INSC: variants seen among roughly 807,000 people sequenced by gnomAD.
The protein encoded by INSC is INSC spindle orientation adaptor protein.
INSC carries 67 observed loss-of-function variants against 58.6 expected under a neutral mutation model. The observed-to-expected ratio is 1.14, with a 90% CI of 0.94 to 1.40. INSC has a LOEUF of 1.40. Ranked by LOEUF, INSC falls within the 40% of genes most tolerant of loss-of-function variation. The probability of loss-of-function intolerance (pLI) is 0.00; values close to 1 mark genes in which losing one functional copy is unlikely to be tolerated. For missense variants in INSC, 714 were observed against 692.0 expected (o/e 1.03, Z -0.36); for synonymous variants, 262 against 276.1 (o/e 0.95, Z 0.51).
At chr11:15,229,934 A>C (rs1353791497) in intron 9 of INSC, among the ~76,000 whole-genome samples, 2 of 28,708 alleles carry the variant, frequency 7.0e-5, no homozygotes, top group Non-Finnish European at 1.3e-4. Flanking sequence ...TTTATATATT[A>C]TATATATATA....
At chr11:15,164,593 C>T (rs1001896772) in intron 2 of INSC, among the ~76,000 whole-genome samples, 20 of 152,190 alleles carry the variant, frequency 1.3e-4, no homozygotes, top group African/African-American at 4.8e-4. Flanking sequence ...CTTCTAGTTT[C>T]AGCCACTGTT....
the INSC span, among the ~76,000 whole-genome samples, chr11:15,259,271 C>CTTGTTT: frequency 6.6e-6 from 1 of 151,974 alleles, no homozygotes; most frequent in Non-Finnish European, 1.5e-5. Context: ...TTTGTTGCTG[C>CTTGTTT]TTAATAAAAA....
At chr11:15,215,631 A>G (rs1851186929) in intron 7 of INSC, among the ~76,000 whole-genome samples, 1 of 152,252 alleles carries the variant, frequency 6.6e-6, no homozygotes, top group Non-Finnish European at 1.5e-5. Context: ...ATACTTCATC[A>G]GTAAACTGCT....
chr11:15,144,411 C>T (rs926115665), intron 1 of INSC, among the ~76,000 whole-genome samples: 2 of 152,170 alleles, frequency 1.3e-5, no homozygotes, highest in African/African-American at 4.8e-5. Context: ...TGTAGAGATT[C>T]ATAATGATGG....
chr11:15,131,759 A>G (rs974229978), intron 1 of INSC, among the ~76,000 whole-genome samples: 4 of 152,146 alleles, frequency 2.6e-5, no homozygotes, highest in African/African-American at 7.2e-5. Context: ...ATACATTAGC[A>G]TCAGATTTCT....
At chr11:15,182,282 A>T (rs576984141) in intron 5 of INSC, among the ~76,000 whole-genome samples, 3 of 152,302 alleles carry the variant, frequency 2.0e-5, no homozygotes, top group African/African-American at 7.2e-5. Context: ...AGGCCTTAAC[A>T]GATACATGCT....
chr11:15,160,166 C>G (rs1423698501), intron 2 of INSC, among the ~76,000 whole-genome samples: 1 of 152,158 alleles, frequency 6.6e-6, no homozygotes, highest in East Asian at 1.9e-4. Flanking sequence ...AGAGGAGAGA[C>G]AGAGTGCTTA....
chr11:15,177,246 G>C, intron 4 of INSC, 83 bp downstream of exon 4: 1 of 1,013,950 alleles, frequency 9.9e-7, no homozygotes, highest in South Asian at 1.3e-5. Flanking sequence ...CCCAGAGGGA[G>C]AATGGGAATG....
chr11:15,235,554 AG>A lies in INSC; in HGVS notation c.1171-46del, dbSNP rs757882469. On this transcript the variant is annotated intron_variant, in intron 9 of 12. Coordinates refer to ENST00000379556, the MANE Select transcript of INSC (RefSeq NM_001042536.3). ...TGACCTGTCTGTAGGGAGGACTATTAGGATCAGGTGTGCTCATTTTCTGAGG... is the reference window on the plus strand; with the variant it reads ...TGACCTGTCTGTAGGGAGGACTATTAGATCAGGTGTGCTCATTTTCTGAGG... 3 of 1,443,394 alleles carry A rather than the reference AG, an allele frequency of 2.1e-6. No homozygotes were observed. In the African/African-American group the frequency reaches 4.2e-5, roughly 20 times the overall value. The allele number at this position is 1,443,394 out of a possible 1,614,324, so 89.4% of individuals were successfully genotyped here. A position where few individuals can be genotyped will look rare whatever the true frequency, so the allele number is the denominator to read the frequency against.
chr11:15,131,500 T>G (rs1436384145), intron 1 of INSC, among the ~76,000 whole-genome samples: 1 of 152,122 alleles, frequency 6.6e-6, no homozygotes, highest in Non-Finnish European at 1.5e-5. Flanking sequence ...AAATGTGCCA[T>G]TCAAATATCC....
In INSC at chr11:15,246,046, G is replaced by T. The variant is rs769822791; in HGVS notation, c.*6G>T. On this transcript the variant is annotated 3_prime_UTR_variant, in exon 13 of 13. Transcript: ENST00000379556. Reference sequence around the variant, plus strand: ...TGGAGGAGAGTTTTGTGTAGTGAGTGTGGGCGAAGAAATACATTTGGCTGT... The same window carrying T: ...TGGAGGAGAGTTTTGTGTAGTGAGTTTGGGCGAAGAAATACATTTGGCTGT... The T allele has an allele frequency of 1.2e-5, 19 of 1,614,106 alleles. No individual in the cohort carries two copies. The South Asian group carries it at 2.1e-4, about 18-fold the overall frequency.
At chr11:15,196,077 C>T (rs181091836) in intron 6 of INSC, among the ~76,000 whole-genome samples, 10 of 152,346 alleles carry the variant, frequency 6.6e-5, no homozygotes, top group Non-Finnish European at 1.5e-4. Context: ...GCCCCTAACA[C>T]TCCCCTGGGC....
chr11:15,135,832 A>G (rs535505067), intron 1 of INSC, among the ~76,000 whole-genome samples: 1 of 152,328 alleles, frequency 6.6e-6, no homozygotes, highest in Admixed American at 6.5e-5. Flanking sequence ...TTATTGGCTT[A>G]CAGTTCTGGA....
chr11:15,157,244 G>A (rs1422774409), intron 2 of INSC, among the ~76,000 whole-genome samples: 1 of 152,282 alleles, frequency 6.6e-6, no homozygotes, highest in East Asian at 1.9e-4. Flanking sequence ...TGGAGACTAA[G>A]GAAATCAAAC....
chr11:15,136,760 C>T (rs1433835451), intron 1 of INSC, among the ~76,000 whole-genome samples: 2 of 152,144 alleles, frequency 1.3e-5, no homozygotes, highest in Non-Finnish European at 2.9e-5. Context: ...GTTACTTCCA[C>T]CACTGAAGTT....
intron 2 of INSC, among the ~76,000 whole-genome samples, chr11:15,156,727 G>A (rs906787781): frequency 1.3e-5 from 2 of 152,216 alleles, no homozygotes; most frequent in African/African-American, 4.8e-5. Context: ...TCAAACCACA[G>A]TGAGGCCTGG....
chr11:15,153,565 G>T (rs1211471982), intron 2 of INSC, among the ~76,000 whole-genome samples: 1 of 152,194 alleles, frequency 6.6e-6, no homozygotes, highest in Non-Finnish European at 1.5e-5. Flanking sequence ...TGTTTAAGCT[G>T]AAAAGAAGGC....
chr11:15,221,765 A>G, intron 8 of INSC, 117 bp downstream of exon 8: 1 of 870,886 alleles, frequency 1.1e-6, no homozygotes, highest in Non-Finnish European at 1.7e-6. Context: ...TATCTCCTGC[A>G]TAGATGATCA....
intron 1 of INSC, among the ~76,000 whole-genome samples, chr11:15,120,413 G>A (rs1174861481): frequency 1.3e-5 from 2 of 152,194 alleles, no homozygotes; most frequent in East Asian, 1.9e-4. Context: ...TAGCAGCAAG[G>A]AAGTGTTGTC....
Sources: allele counts gnomAD v4.1 joint callset (sites outside exome capture counted in the v4.1 genomes callset), GRCh38; gene constraint gnomAD v4.1.1; transcripts MANE v1.5; gene names NCBI Gene and HGNC (gene_info 2026-07-23, HGNC 2026-07-21).